Variants in MYO7B observed in about 807,000 individuals in gnomAD.
The protein encoded by MYO7B is unconventional myosin-VIIb.
In MYO7B, 212 loss-of-function variants were observed where a neutral mutation model predicts 259.7. That is an observed-to-expected ratio of 0.82 (90% CI 0.73 to 0.91). The LOEUF (loss-of-function observed/expected upper bound fraction) is 0.91. Ranked by LOEUF, MYO7B falls within the 40% of genes least tolerant of loss-of-function variation. MYO7B has a pLI of 0.00. For synonymous variants in MYO7B, 1,197 were observed against 1,166.4 expected (o/e 1.03, Z -0.54); for missense variants, 2,732 against 2,813.5 (o/e 0.97, Z 0.66).
chr2:127,628,810 GAA>G lies in MYO7B; in HGVS notation c.4624+277_4624+278del, dbSNP rs1389648333. 6.6e-6 allele frequency among the ~76,000 whole-genome samples: 1 copy of G among 152,220 alleles called. No homozygotes were observed. Among genetic ancestry groups the G allele is most frequent in the Non-Finnish European group, 1.5e-5 (1 of 68,036 alleles). On this transcript the variant is annotated intron_variant, in intron 34 of 47. Coordinates refer to ENST00000409816, the MANE Select transcript of MYO7B (RefSeq NM_001393586.1). The surrounding 1 kb of genome is among the most constrained non-coding windows in gnomAD (Gnocchi z 4.8). Reference sequence around the variant, plus strand: ...CGCTGCACTGCTGCAGAAGCACTGAGAAAGGCCAGCCCCCAGCCCAGGGAAGT... The same window carrying G: ...CGCTGCACTGCTGCAGAAGCACTGAGAGGCCAGCCCCCAGCCCAGGGAAGT...
At position 127,611,006 on chromosome 2, in the gene MYO7B, A is replaced by G. The variant is rs990203434; in HGVS notation, c.3192+990A>G. Among the ~76,000 whole-genome samples the G allele has an allele frequency of 2.0e-5, 3 of 152,244 alleles. No homozygotes were observed. The highest frequency in any genetic ancestry group is 7.2e-5 in the African/African-American group (3 of 41,464). ...AGTTTCTGAGGGTCAGGAGCAGCTT[A>G]GCTGCATAGTCCCAGTTCAGGGTCC... On this transcript the variant is annotated intron_variant, in intron 24 of 47. Transcript: ENST00000409816. The surrounding 1 kb of genome is among the most constrained non-coding windows in gnomAD (Gnocchi z 5.4).
chr2:127,570,154 T>C (rs75587681), intron 6 of MYO7B, among the ~76,000 whole-genome samples: 4,976 of 152,064 alleles, frequency 0.033, 272 homozygotes, highest in African/African-American at 0.11. Flanking sequence ...TAAGGAATAT[T>C]CTTTTTAAAA....
chr2:127,617,487 G>GGTTTTTTT (rs1680614627), intron 26 of MYO7B, among the ~76,000 whole-genome samples: 1 of 84,828 alleles, frequency 1.2e-5, no homozygotes, highest in South Asian at 5.8e-4. Context: ...TTGTAACGGG[G>GGTTTTTTT]TTTTTTTTTT....
intron 19 of MYO7B, among the ~76,000 whole-genome samples, chr2:127,600,543 C>T (rs1308415747): frequency 6.6e-6 from 1 of 152,196 alleles, no homozygotes; most frequent in East Asian, 1.9e-4. Context: ...AACCCCGTCT[C>T]TACTAAAAAT....
rs1681570119 is a variant in MYO7B, at chr2:127,632,365, C to T, written c.5369C>T (p.Ala1790Val). 2 of 1,586,960 alleles carry T rather than the reference C, an allele frequency of 1.3e-6. No homozygotes were observed. The highest frequency in any genetic ancestry group is 1.7e-6 in the Non-Finnish European group (2 of 1,166,082). The change falls in exon 39 of 48, where the codon GCC becomes GTC. Residue 1790 changes from alanine (A) to valine (V), a missense_variant. Ala to Val is a moderately conservative substitution (Grantham distance 64). Around this residue, in one of 3 missense-constraint regions of MYO7B, gnomAD observed 821 missense variants for 769.3 expected, o/e 1.07. Coordinates refer to ENST00000409816, the MANE Select transcript of MYO7B (RefSeq NM_001393586.1). ...GACACTCGGAGGGGGAAGCTGCTGG[C>T]CCCCGACTGCAGCCGCCGAATCCAG... ...FIDTRRGKLL[A>V]PDCSRRIQKV...
Position 127,636,207 on chromosome 2 carries a change from G to A in MYO7B, c.6007-1G>A, listed in dbSNP as rs1262645323. 6.2e-7 allele frequency: 1 copy of A among 1,610,492 alleles called. No individual in the cohort carries two copies. Among genetic ancestry groups the A allele is most frequent in the Non-Finnish European group, 8.5e-7 (1 of 1,177,690 alleles). ...TCCTTACTGGCCCTCCTGTCCCCCA[G>A]AGCATCCTTCTAGCCTATGACAAGC... On this transcript the variant is annotated splice_acceptor_variant, in intron 44 of 47. Coordinates refer to ENST00000409816, the MANE Select transcript of MYO7B (RefSeq NM_001393586.1). LOFTEE classifies it high-confidence loss of function. This position sits in a 1 kb window ranked among gnomAD's most constrained non-coding sequence, Gnocchi z 4.5.
chr2:127,578,221 C>T lies in MYO7B; in HGVS notation c.938C>T (p.Ser313Phe). 3 of 1,613,800 alleles carry T rather than the reference C, an allele frequency of 1.9e-6. No homozygotes were observed. Among genetic ancestry groups the T allele is most frequent in the Non-Finnish European group, 2.5e-6 (3 of 1,179,866 alleles). ...SAMKILQFSDSESWDVIKLLA... is the reference protein window; with the variant it reads ...SAMKILQFSDFESWDVIKLLA... ...ATGAAGATCCTCCAGTTCTCCGACTCCGAGAGCTGGGACGTCATCAAGCTG... is the reference window on the plus strand; with the variant it reads ...ATGAAGATCCTCCAGTTCTCCGACTTCGAGAGCTGGGACGTCATCAAGCTG... Residue 313 changes from serine to phenylalanine, a missense_variant, in exon 9 of 48, where the codon TCC becomes TTC. Around this residue, in one of 3 missense-constraint regions of MYO7B, gnomAD observed 1,906 missense variants for 2,026.4 expected, o/e 0.94. Coordinates refer to ENST00000409816, the MANE Select transcript of MYO7B (RefSeq NM_001393586.1).
Position 127,625,479 on chromosome 2 carries a change from T to G in MYO7B, c.4159T>G (p.Tyr1387Asp). 6.2e-7 allele frequency: 1 copy of G among 1,612,090 alleles called. No homozygotes were observed. The highest frequency in any genetic ancestry group is 2.2e-5 in the East Asian group (1 of 44,824). The change falls in exon 31 of 48, where the codon TAC becomes GAC. Residue 1387 changes from tyrosine to aspartate, a missense_variant. Physicochemically the swap from Tyr to Asp is radical, Grantham distance 160. This residue lies in a region of MYO7B where 1,906 missense variants were observed against 2,026.4 expected (regional missense o/e 0.94). Coordinates refer to ENST00000409816, the MANE Select transcript of MYO7B (RefSeq NM_001393586.1). ...LLPSCIPHKL[Y>D]RTKPPDRWAS... ...GCCCAGCTGCATCCCCCACAAGCTG[T>G]ACAGGACCAAGCCCCCAGACAGGTG...
In MYO7B at chr2:127,590,262, GGGA is replaced by G. The variant is rs762296556; in HGVS notation, c.1992+45_1992+47del. ...CAGGAGGCTGGGGCACAGCAAAGGA[GGGA>G]GGAGGAGGAGGCTGATGGCCTCTAG... On this transcript the variant is annotated intron_variant, in intron 16 of 47. Transcript: ENST00000409816. The surrounding 1 kb of genome is among the most constrained non-coding windows in gnomAD (Gnocchi z 4.6). 1 of 1,612,168 alleles carries G rather than the reference GGGA, an allele frequency of 6.2e-7. No individual in the cohort carries two copies. Among genetic ancestry groups the G allele is most frequent in the Non-Finnish European group, 8.5e-7 (1 of 1,179,582 alleles).
At chr2:127,538,003 C>T (rs1369427985) in intron 1 of MYO7B, among the ~76,000 whole-genome samples, 2 of 152,002 alleles carry the variant, frequency 1.3e-5, no homozygotes, top group African/African-American at 2.4e-5. Context: ...GCTGGGGAGG[C>T]GAGGCTGCGA....
chr2:127,616,112 T>G (rs1390194463), intron 26 of MYO7B, among the ~76,000 whole-genome samples: 1 of 152,166 alleles, frequency 6.6e-6, no homozygotes, highest in African/African-American at 2.4e-5. Flanking sequence ...TTCTGCCTCT[T>G]TGGTTAATTA....
In MYO7B at chr2:127,601,120, G is replaced by A. The variant is rs1679951826; in HGVS notation, c.2339+4564G>A. ...ATGTTGTTTGGTTTTCAAGTGTTTA[G>A]AGATTTTTCTGTTATCATTTTGTCT... On this transcript the variant is annotated intron_variant, in intron 19 of 47. Coordinates refer to ENST00000409816, the MANE Select transcript of MYO7B (RefSeq NM_001393586.1). Among the ~76,000 whole-genome samples, 2 of 152,198 alleles carry A rather than the reference G, an allele frequency of 1.3e-5. 1 individual carries two copies. The highest frequency in any genetic ancestry group is 4.8e-5 in the African/African-American group (2 of 41,458).
chr2:127,551,768 T>C (rs888969230), intron 1 of MYO7B, among the ~76,000 whole-genome samples: 1 of 152,070 alleles, frequency 6.6e-6, no homozygotes, highest in Admixed American at 6.5e-5. Flanking sequence ...AGGGGCAGCG[T>C]TGGAAGCTGA....
In MYO7B at chr2:127,627,675, G is replaced by T; in HGVS notation, c.4460+365G>T. 1 of 463,964 alleles carries T rather than the reference G, an allele frequency of 2.2e-6. No individual in the cohort carries two copies. The highest frequency in any genetic ancestry group is 4.3e-6 in the Non-Finnish European group (1 of 232,098). 28.7% of individuals were successfully genotyped at this position (463,964 alleles called of 1,614,324 possible). On this transcript the variant is annotated intron_variant, in intron 33 of 47. Coordinates refer to ENST00000409816, the MANE Select transcript of MYO7B (RefSeq NM_001393586.1). This position sits in a 1 kb window ranked among gnomAD's most constrained non-coding sequence, Gnocchi z 5.6. Reference sequence around the variant, plus strand: ...CTGGAGGGTACAGGTTGTCTGGGAAGGCGACAAGGGACAGTGCCTGGTGTG... The same window carrying T: ...CTGGAGGGTACAGGTTGTCTGGGAATGCGACAAGGGACAGTGCCTGGTGTG...
chr2:127,574,188 A>G (rs1678765148), intron 7 of MYO7B, 126 bp downstream of exon 7: 1 of 1,230,076 alleles, frequency 8.1e-7, no homozygotes, highest in Admixed American at 2.2e-5. Flanking sequence ...CACAGGCCTC[A>G]CTGGATAATG....
In MYO7B at chr2:127,620,473, G is replaced by C. The variant is rs1222802471; in HGVS notation, c.3525+7G>C. 5 of 1,570,926 alleles carry C rather than the reference G, an allele frequency of 3.2e-6. No individual in the cohort carries two copies. The Admixed American group carries it at 7.0e-5, about 22-fold the overall frequency. ...CTCAGAGAGGTTCATGAAGGTGAGAGGGTTCATGAAGGGAGGGCGGGCAGG... is the reference window on the plus strand; with the variant it reads ...CTCAGAGAGGTTCATGAAGGTGAGACGGTTCATGAAGGGAGGGCGGGCAGG... On this transcript the variant is annotated splice_region_variant and intron_variant, in intron 27 of 47. Transcript: ENST00000409816.
intron 37 of MYO7B, 86 bp from the exon 38 acceptor site, chr2:127,631,514 C>T (rs1178044839): frequency 3.5e-5 from 54 of 1,539,650 alleles, no homozygotes; most frequent in Non-Finnish European, 4.6e-5. Context: ...CATGGCTCAC[C>T]GCAGGGCCGG....
chr2:127,551,841 A>C (rs1050203503), intron 1 of MYO7B, among the ~76,000 whole-genome samples: 1 of 152,152 alleles, frequency 6.6e-6, no homozygotes, highest in Non-Finnish European at 1.5e-5. Context: ...GGTGGTGGAA[A>C]GGAGCTTTGA....
intron 6 of MYO7B, among the ~76,000 whole-genome samples, chr2:127,571,123 G>T (rs1678586390): frequency 6.6e-6 from 1 of 152,140 alleles, no homozygotes; most frequent in South Asian, 2.1e-4. Flanking sequence ...TGGCTCAAAA[G>T]GCAAGTGAGC....
Sources: allele counts gnomAD v4.1 joint callset (sites outside exome capture counted in the v4.1 genomes callset), GRCh38; gene constraint gnomAD v4.1.1; regional missense constraint gnomAD v4.1.1; non-coding constraint Gnocchi (gnomAD v3.1); transcripts MANE v1.5; gene names NCBI Gene and HGNC (gene_info 2026-07-23, HGNC 2026-07-21).